The following CDH2 variants were observed in gnomAD, a reference collection of about 807,000 sequenced individuals.
The protein encoded by CDH2 is cadherin-2.
CDH2 carries 17 observed loss-of-function variants against 92.0 expected under a neutral mutation model. That is an observed-to-expected ratio of 0.18 (90% CI 0.13 to 0.28). The LOEUF (loss-of-function observed/expected upper bound fraction) is 0.28, where lower values mean the gene tolerates loss of function less well. Ranked by LOEUF, CDH2 falls within the 10% of genes least tolerant of loss-of-function variation. The probability of loss-of-function intolerance (pLI) is 1.00; values close to 1 mark genes in which losing one functional copy is unlikely to be tolerated. For synonymous variants in CDH2, 419 were observed against 415.9 expected (o/e 1.01, Z -0.09); for missense variants, 862 against 1,133.1 (o/e 0.76, Z 3.44).
At chr18:28,161,290 G>C (rs2016302824) in intron 1 of CDH2, among the ~76,000 whole-genome samples, 1 of 152,068 alleles carries the variant, frequency 6.6e-6, no homozygotes, top group Non-Finnish European at 1.5e-5. Context: ...TCTTTAAAAA[G>C]TAAAGCTGGC....
At chr18:28,070,199 TGCC>T (rs1302003514) in intron 2 of CDH2, among the ~76,000 whole-genome samples, 1 of 152,154 alleles carries the variant, frequency 6.6e-6, no homozygotes, top group Non-Finnish European at 1.5e-5. Flanking sequence ...TAAGGAAGTT[TGCC>T]AAGAGTAAAA....
intron 15 of CDH2, among the ~76,000 whole-genome samples, chr18:27,962,129 A>C (rs889566967): frequency 2.6e-5 from 4 of 152,214 alleles, no homozygotes; most frequent in African/African-American, 9.6e-5. Context: ...ATATATGTAT[A>C]AATTTCTGCA....
intron 9 of CDH2, among the ~76,000 whole-genome samples, chr18:27,992,297 T>C (rs889922507): frequency 4.6e-5 from 7 of 152,122 alleles, no homozygotes; most frequent in African/African-American, 1.7e-4. Flanking sequence ...ACACTAACAG[T>C]TAATGTTGTT....
chr18:28,033,834 T>A (rs2013758255), intron 2 of CDH2, among the ~76,000 whole-genome samples: 1 of 152,056 alleles, frequency 6.6e-6, no homozygotes, highest in African/African-American at 2.4e-5. Context: ...TGGAGTACAG[T>A]ACAGAAGTAA....
chr18:27,945,323 A>ATTTTTTTTTTTTTTTTTTTTTTTTTTTT (rs66537834), intron 6 of CDH2, among the ~76,000 whole-genome samples: 4 of 66,458 alleles, frequency 6.0e-5, no homozygotes, highest in South Asian at 9.3e-4. Context: ...AGGAAGGAAG[A>ATTTTTTTTTTTTTTTTTTTTTTTTTTTT]TTTTTTTTTT....
At chr18:28,146,473 A>G (rs2016036440) in intron 2 of CDH2, 1 of 152,158 alleles carries the variant, frequency 6.6e-6, no homozygotes, top group South Asian at 2.1e-4. Context: ...CAGTGTTGAG[A>G]CAGACTAACT....
intron 2 of CDH2, among the ~76,000 whole-genome samples, chr18:28,074,053 T>A (rs773275698): frequency 6.6e-6 from 1 of 152,188 alleles, no homozygotes; most frequent in Non-Finnish European, 1.5e-5. Flanking sequence ...TCTGCAAGAA[T>A]TTTTAAAATT....
intron 7 of CDH2, among the ~76,000 whole-genome samples, chr18:27,995,157 A>C (rs1009081393): frequency 6.6e-6 from 1 of 151,612 alleles, no homozygotes; most frequent in Admixed American, 6.6e-5. Context: ...TTAAAAATAC[A>C]CAAAAAATTA....
intron 11 of CDH2, among the ~76,000 whole-genome samples, chr18:27,987,666 T>A (rs948544811): frequency 2.0e-5 from 3 of 152,216 alleles, no homozygotes; most frequent in Non-Finnish European, 4.4e-5. Flanking sequence ...ATAGGAATAC[T>A]TAGTTGAGTG....
At chr18:28,090,089 G>T (rs573754972) in intron 2 of CDH2, among the ~76,000 whole-genome samples, 1 of 152,248 alleles carries the variant, frequency 6.6e-6, no homozygotes, top group East Asian at 1.9e-4. Flanking sequence ...TAGTCTGGTG[G>T]TTCCTTTCCT....
intron 1 of CDH2, among the ~76,000 whole-genome samples, chr18:28,171,431 A>G (rs1253734355): frequency 2.0e-5 from 3 of 152,126 alleles, no homozygotes; most frequent in Non-Finnish European, 4.4e-5. Context: ...CTTCATTTTA[A>G]GCCTAAAAAT....
At chr18:28,161,832 G>A (rs1205894604) in intron 1 of CDH2, among the ~76,000 whole-genome samples, 1 of 152,000 alleles carries the variant, frequency 6.6e-6, no homozygotes, top group Non-Finnish European at 1.5e-5. Context: ...CTTGACCTTT[G>A]GCCAACTTAG....
intron 2 of CDH2, among the ~76,000 whole-genome samples, chr18:28,114,415 G>A (rs2015461528): frequency 6.6e-6 from 1 of 151,946 alleles, no homozygotes; most frequent in Non-Finnish European, 1.5e-5. Flanking sequence ...TATGCACACA[G>A]TACACTATTT....
chr18:28,032,226 C>A (rs1214915494), intron 2 of CDH2, among the ~76,000 whole-genome samples: 6 of 152,018 alleles, frequency 3.9e-5, no homozygotes, highest in African/African-American at 1.4e-4. Context: ...TAATAATATA[C>A]AAAACCAACA....
intron 2 of CDH2, among the ~76,000 whole-genome samples, chr18:28,142,374 T>C (rs2015967843): frequency 6.6e-6 from 1 of 151,944 alleles, no homozygotes; most frequent in South Asian, 2.1e-4. Context: ...AACTGGCTTA[T>C]CTTACTTTGC....
chr18:28,137,810 T>C (rs920915017), intron 2 of CDH2, among the ~76,000 whole-genome samples: 3 of 152,124 alleles, frequency 2.0e-5, no homozygotes, highest in East Asian at 1.9e-4. Flanking sequence ...AGATGCTTTT[T>C]TCAGGAGAGA....
chr18:28,014,031 C>T, intron 2 of CDH2, 122 bp from the exon 3 acceptor site: 2 of 657,068 alleles, frequency 3.0e-6, no homozygotes, highest in Non-Finnish European at 5.2e-6. Context: ...GCATGAAACA[C>T]AGAAGTTTTA....
intron 5 of CDH2, among the ~76,000 whole-genome samples, chr18:28,007,398 G>C (rs1007681932): frequency 2.0e-5 from 3 of 149,962 alleles, no homozygotes; most frequent in African/African-American, 7.4e-5. Flanking sequence ...GTTTCTTTTG[G>C]ACTGGAATGC....
At chr18:27,993,231 C>G (rs1651109178) in intron 8 of CDH2, among the ~76,000 whole-genome samples, 1 of 152,134 alleles carries the variant, frequency 6.6e-6, no homozygotes, top group Non-Finnish European at 1.5e-5. Flanking sequence ...TATTCATAAG[C>G]ATTTTGTTGT....
Sources: gnomAD v4.1 joint callset for allele counts (sites outside exome capture counted in the v4.1 genomes callset) on GRCh38, gnomAD v4.1.1 for gene constraint, MANE v1.5 for transcripts, NCBI Gene and HGNC (gene_info 2026-07-23, HGNC 2026-07-21) for gene names.